TMPRSS11E: variants seen among roughly 807,000 people sequenced by gnomAD.
TMPRSS11E encodes transmembrane serine protease 11E, also known as transmembrane protease serine 11E.
TMPRSS11E carries 38 observed loss-of-function variants against 48.1 expected under a neutral mutation model. The ratio of observed to expected loss-of-function variants is 0.79; its 90% CI spans 0.61 to 1.04. The LOEUF (loss-of-function observed/expected upper bound fraction) is 1.04. Among genes scored for constraint, TMPRSS11E ranks in the 50% least tolerant of loss-of-function variants. TMPRSS11E has a pLI of 0.00. For missense variants in TMPRSS11E, 530 were observed against 510.8 expected, an observed-to-expected ratio of 1.04 and a Z score of -0.36; for synonymous variants, 158 against 171.9, an observed-to-expected ratio of 0.92 and a Z score of 0.63.
chr4:68,474,715 T>G lies in TMPRSS11E; in HGVS notation c.491-8T>G, dbSNP rs1729162379. 1 of 1,607,538 alleles carries G rather than the reference T, an allele frequency of 6.2e-7. No individual in the cohort carries two copies. ...GCTGACCCTATTTGCCATTTCTGTG[T>G]GTTTCAGAAATCAACAAGACAGAAA... On this transcript the variant is annotated splice_polypyrimidine_tract_variant and splice_region_variant and intron_variant, in intron 5 of 9. Coordinates refer to ENST00000305363, the MANE Select transcript of TMPRSS11E (RefSeq NM_014058.4).
At chr4:68,478,334 G>A (rs1462653991) in intron 8 of TMPRSS11E, among the ~76,000 whole-genome samples, 1 of 151,200 alleles carries the variant, frequency 6.6e-6, no homozygotes, top group Non-Finnish European at 1.5e-5. Context: ...AGTAGAGACA[G>A]GGTTTCACCA....
chr4:68,466,536 G>A (rs1467101123), intron 2 of TMPRSS11E, 95 bp from the exon 3 acceptor site: 1 of 1,356,672 alleles, frequency 7.4e-7, no homozygotes, highest in Non-Finnish European at 1.0e-6. Context: ...ATTCCTTCCT[G>A]TTTCAGTCTT....
chr4:68,487,786 C>T (rs1434991719), intron 9 of TMPRSS11E, among the ~76,000 whole-genome samples: 1 of 151,556 alleles, frequency 6.6e-6, no homozygotes, highest in Non-Finnish European at 1.5e-5. Flanking sequence ...ACTAAAAATA[C>T]AAAAATTAGC....
chr4:68,478,336 G>T (rs989334176), intron 8 of TMPRSS11E, among the ~76,000 whole-genome samples: 5 of 150,266 alleles, frequency 3.3e-5, no homozygotes, highest in Admixed American at 2.0e-4. Context: ...TAGAGACAGG[G>T]TTTCACCATG....
intron 1 of TMPRSS11E, among the ~76,000 whole-genome samples, chr4:68,454,935 G>A (rs1294675038): frequency 1.3e-5 from 2 of 151,914 alleles, no homozygotes; most frequent in African/African-American, 2.4e-5. Context: ...TGACCATCTT[G>A]TGTTGGAAAT....
At chr4:68,486,636 A>G (rs1729562570) in intron 9 of TMPRSS11E, among the ~76,000 whole-genome samples, 1 of 152,206 alleles carries the variant, frequency 6.6e-6, no homozygotes, top group Non-Finnish European at 1.5e-5. Flanking sequence ...AGTGTTCTAT[A>G]GATATCTCTT....
intron 9 of TMPRSS11E, among the ~76,000 whole-genome samples, chr4:68,480,222 C>T (rs948902982): frequency 2.6e-5 from 4 of 152,020 alleles, no homozygotes; most frequent in South Asian, 2.1e-4. Flanking sequence ...CTCTTTCAGT[C>T]CCACCTTCTT....
At chr4:68,486,129 T>A (rs1204238570) in intron 9 of TMPRSS11E, among the ~76,000 whole-genome samples, 1 of 152,178 alleles carries the variant, frequency 6.6e-6, no homozygotes, top group Admixed American at 6.5e-5. Flanking sequence ...GATTTTTGTG[T>A]CTCTATTTCA....
At chr4:68,448,689 G>T (rs1010110358) in intron 1 of TMPRSS11E, among the ~76,000 whole-genome samples, 1 of 151,778 alleles carries the variant, frequency 6.6e-6, no homozygotes, top group East Asian at 1.9e-4. Context: ...TGAAGCAAAA[G>T]ATGTGACTAT....
rs775267327 is a variant in TMPRSS11E at position 68,468,906 on chromosome 4, T to A, written c.286T>A (p.Leu96Ile). ...GAAAAATGCATTTTATAAATCTCCATTAAGGGAAGAATTTGTCAAGTCTCA... is the reference window on the plus strand; with the variant it reads ...GAAAAATGCATTTTATAAATCTCCAATAAGGGAAGAATTTGTCAAGTCTCA... ...MVKNAFYKSP[L>I]REEFVKSQVI... Residue 96 changes from leucine (L) to isoleucine (I), a missense_variant, in exon 4 of 10, where the codon TTA becomes ATA. By Grantham distance (5) the Leu-to-Ile change is conservative (BLOSUM62 2). Transcript: ENST00000305363. 2 of 1,610,794 alleles carry A rather than the reference T, an allele frequency of 1.2e-6. No homozygotes were observed. Among genetic ancestry groups the A allele is most frequent in the Non-Finnish European group, 1.7e-6 (2 of 1,177,256 alleles).
At chr4:68,471,225 TTTC>T (rs1167221183) in intron 4 of TMPRSS11E, among the ~76,000 whole-genome samples, 1 of 151,592 alleles carries the variant, frequency 6.6e-6, no homozygotes, top group African/African-American at 2.4e-5. Context: ...CCTTCTTTCT[TTTC>T]TTTTCTCTTT....
chr4:68,465,290 G>T (rs898731278), intron 2 of TMPRSS11E, among the ~76,000 whole-genome samples: 10 of 152,034 alleles, frequency 6.6e-5, no homozygotes, highest in Admixed American at 2.0e-4. Context: ...ATCACCAACC[G>T]CACCCAAGCC....
intron 1 of TMPRSS11E, among the ~76,000 whole-genome samples, chr4:68,458,147 ATT>A (rs1728686565): frequency 1.3e-5 from 2 of 151,934 alleles, no homozygotes; most frequent in South Asian, 4.2e-4. Flanking sequence ...CTTCTGGTAA[ATT>A]TTTCTTTGAA....
intron 4 of TMPRSS11E, among the ~76,000 whole-genome samples, chr4:68,469,795 C>G (rs538296486): frequency 7.9e-5 from 12 of 152,016 alleles, no homozygotes; most frequent in Admixed American, 4.6e-4. Flanking sequence ...ATACACATCC[C>G]CATGTGGAAG....
In TMPRSS11E at chr4:68,459,302, C is replaced by G. The variant is rs1170005833; in HGVS notation, c.12-2519C>G. On this transcript the variant is annotated intron_variant, in intron 1 of 9. Transcript: ENST00000305363. ...AATTCCATGAAAATACATATATAAT[C>G]TTCCTTAGTTTTTTTTTCATATTTT... is the stretch of plus-strand genomic sequence containing the variant. Among the ~76,000 whole-genome samples, 5 of 151,362 alleles carry G rather than the reference C, an allele frequency of 3.3e-5. No individual in the cohort carries two copies. The South Asian group carries it at 1.0e-3, about 31-fold the overall frequency.
intron 9 of TMPRSS11E, among the ~76,000 whole-genome samples, chr4:68,481,806 C>T (rs191037089): frequency 2.0e-5 from 3 of 152,042 alleles, no homozygotes; most frequent in East Asian, 1.9e-4. Flanking sequence ...AAACATTAGC[C>T]AATGTGGTGG....
intron 9 of TMPRSS11E, among the ~76,000 whole-genome samples, chr4:68,485,159 CT>C (rs1256332496): frequency 6.6e-6 from 1 of 150,674 alleles, no homozygotes; most frequent in African/African-American, 2.4e-5. Flanking sequence ...TCTTTTTTTT[CT>C]TTTTGAGACA....
In TMPRSS11E at chr4:68,476,321, A is replaced by G; in HGVS notation, c.590A>G (p.Glu197Gly). 1.9e-6 allele frequency: 3 copies of G among 1,614,160 alleles called. 1 individual carries two copies. Among genetic ancestry groups the G allele is most frequent in the Non-Finnish European group, 1.7e-6 (2 of 1,179,988 alleles). ...AGTCTCAGGATCGTTGGTGGGACAG[A>G]AGTAGAAGAGGGTGAATGGCCCTGG... Reference protein sequence around the residue: ...GQSLRIVGGTEVEEGEWPWQA... With the variant: ...GQSLRIVGGTGVEEGEWPWQA... The change falls in exon 7 of 10, where the codon GAA (glutamate) becomes GGA (glycine). Residue 197 changes from glutamate to glycine, a missense_variant. Physicochemically the swap from Glu to Gly is moderately conservative, Grantham distance 98. Transcript: ENST00000305363.
chr4:68,470,434 G>A (rs915999632), intron 4 of TMPRSS11E, among the ~76,000 whole-genome samples: 11 of 151,864 alleles, frequency 7.2e-5, no homozygotes, highest in Non-Finnish European at 1.0e-4. Flanking sequence ...AGAATCCACT[G>A]GCTTTGTCAA....
Sources: gnomAD v4.1 joint callset for allele counts (sites outside exome capture counted in the v4.1 genomes callset) on GRCh38, gnomAD v4.1.1 for gene constraint, MANE v1.5 for transcripts, NCBI Gene and HGNC (gene_info 2026-07-23, HGNC 2026-07-21) for gene names.